The following FOCAD variants were observed in gnomAD, a reference collection of about 807,000 sequenced individuals.
FOCAD encodes the protein KIAA1797.
Under a neutral mutation model 225.6 loss-of-function variants are expected in FOCAD, and 198 were observed. The ratio of observed to expected loss-of-function variants is 0.88; its 90% confidence interval spans 0.78 to 0.99. FOCAD has a LOEUF of 0.99. Among genes scored for constraint, FOCAD ranks in the 50% least tolerant of loss-of-function variants. The pLI, the probability that FOCAD is intolerant of heterozygous loss-of-function variation, is 0.00. For missense variants in FOCAD, 2,713 were observed against 2,123.6 expected (o/e 1.28, Z -5.46); for synonymous variants, 897 against 755.0 (o/e 1.19, Z -3.08).
At chr9:20,771,227 A>G (rs944255827) in intron 8 of FOCAD, among the ~76,000 whole-genome samples, 15 of 152,204 alleles carry the variant, frequency 9.9e-5, no homozygotes, top group African/African-American at 3.6e-4. Context: ...TTGAAGGATT[A>G]AGCTGTGGCA....
chr9:20,874,525 T>G, intron 18 of FOCAD, 156 bp from the exon 19 acceptor site: 1 of 665,990 alleles, frequency 1.5e-6, no homozygotes, highest in Non-Finnish European at 2.4e-6. Flanking sequence ...AAAAAATGAA[T>G]AGATTTTTAA....
intron 5 of FOCAD, among the ~76,000 whole-genome samples, chr9:20,749,419 A>T (rs375945085): frequency 1.3e-5 from 2 of 152,122 alleles, no homozygotes; most frequent in African/African-American, 4.8e-5. Context: ...ATTCACAATT[A>T]TTGTTTAGTT....
intron 15 of FOCAD, among the ~76,000 whole-genome samples, chr9:20,850,170 A>G (rs1564069927): frequency 6.6e-6 from 1 of 151,796 alleles, no homozygotes; most frequent in East Asian, 1.9e-4. Context: ...TAATTTATAA[A>G]GTTATTTTTG....
At chr9:20,799,253 T>A (rs141191334) in intron 11 of FOCAD, among the ~76,000 whole-genome samples, 2,057 of 152,126 alleles carry the variant, frequency 0.014, 57 homozygotes, top group African/African-American at 0.046. Flanking sequence ...TGCTGAGGAG[T>A]GCTTTACTTC....
intron 18 of FOCAD, among the ~76,000 whole-genome samples, chr9:20,873,121 C>G (rs1829939405): frequency 6.6e-6 from 1 of 152,012 alleles, no homozygotes; most frequent in African/African-American, 2.4e-5. Context: ...AATAATAATT[C>G]TATGAACATT....
intron 23 of FOCAD, 106 bp from the exon 24 acceptor site, chr9:20,916,787 A>T: frequency 1.0e-6 from 1 of 988,216 alleles, no homozygotes; most frequent in East Asian, 2.7e-5. Flanking sequence ...GTATAGTTTT[A>T]AGATCTGGAG....
In FOCAD at chr9:20,990,254, A is replaced by C; in HGVS notation, c.5136A>C (p.Val1712=). The C allele has an allele frequency of 2.5e-6, 4 of 1,614,194 alleles. No individual in the cohort carries two copies. The highest frequency in any genetic ancestry group is 3.4e-6 in the Non-Finnish European group (4 of 1,180,030). ...WHQENGPAGP[V]PSFLGRSPMH... The stretch of plus-strand genomic sequence containing the variant: ...AGGAGAATGGCCCGGCTGGGCCAGT[A>C]CCAAGCTTCCTTGGCAGGAGTCCAA... The change falls in exon 42 of 44, where the codon GTA becomes GTC. Residue 1712 remains valine (V), a synonymous_variant. Transcript: ENST00000338382.
At chr9:20,764,800 T>C (rs1195874710) in intron 6 of FOCAD, 69 bp from the exon 7 acceptor site, 2 of 1,173,088 alleles carry the variant, frequency 1.7e-6, no homozygotes, top group Admixed American at 1.9e-5. Context: ...TATAAGTTGA[T>C]ATTTGCCACT....
chr9:20,747,287 G>C (rs1407956593), intron 5 of FOCAD, among the ~76,000 whole-genome samples: 1 of 152,092 alleles, frequency 6.6e-6, no homozygotes, highest in Non-Finnish European at 1.5e-5. Context: ...AGATATATCA[G>C]ATTCTGATTT....
intron 28 of FOCAD, among the ~76,000 whole-genome samples, chr9:20,942,098 A>G (rs1439993415): frequency 6.6e-6 from 1 of 152,248 alleles, no homozygotes; most frequent in African/African-American, 2.4e-5. Flanking sequence ...CAATAGATGT[A>G]TATGCCATAG....
At position 20,659,423 on chromosome 9, in the gene FOCAD, G is replaced by GAA. The variant is rs113828761; in HGVS notation, c.-78+597_-78+598insAA. 2.2e-4 allele frequency among the ~76,000 whole-genome samples: 4 copies of GAA among 18,224 alleles called. No individual in the cohort carries two copies. In the African/African-American group the frequency reaches 2.6e-3, roughly 12 times the overall value. The allele number at this position is 18,224 out of a possible 152,430, so 12.0% of individuals were successfully genotyped here. On this transcript the variant is annotated intron_variant, in intron 2 of 45. Coordinates refer to the FOCAD transcript ENST00000380249. Reference sequence around the variant, plus strand: ...CCATCTAAAAAAAAAGAGAAAGAAAGGAGAAAGAAAGAAAGAAAGACAGAC... The same window carrying GAA: ...CCATCTAAAAAAAAAGAGAAAGAAAGAAGAGAAAGAAAGAAAGAAAGACAGAC...
intron 35 of FOCAD, among the ~76,000 whole-genome samples, chr9:20,965,255 T>G (rs559655299): frequency 3.9e-4 from 60 of 152,306 alleles, no homozygotes; most frequent in Non-Finnish European, 7.9e-4. Context: ...GGCCAATGTC[T>G]ATGTAGCAGT....
chr9:20,761,340 C>T (rs564909979), intron 6 of FOCAD, among the ~76,000 whole-genome samples: 138 of 152,074 alleles, frequency 9.1e-4, no homozygotes, highest in African/African-American at 3.2e-3. Context: ...ATGAGAGAAC[C>T]GAGGAGAGCA....
chr9:20,677,818 A>G (rs1350611685), intron 2 of FOCAD, among the ~76,000 whole-genome samples: 1 of 152,210 alleles, frequency 6.6e-6, no homozygotes. Context: ...CTGATACTGC[A>G]ATCCCACTTT....
chr9:20,717,958 TC>T, intron 3 of FOCAD, 90 bp downstream of exon 3: 3 of 974,412 alleles, frequency 3.1e-6, no homozygotes, highest in Non-Finnish European at 4.7e-6. Context: ...CCCTGATAGT[TC>T]AGATCACAGT....
intron 10 of FOCAD, chr9:20,786,806 C>T (rs1819966473): frequency 6.2e-6 from 1 of 161,622 alleles, no homozygotes; most frequent in Non-Finnish European, 1.4e-5. Context: ...AGATGTCTTA[C>T]AACCACCCAG....
Position 20,828,564 on chromosome 9 carries a change from G to T in FOCAD, c.1920+5449G>T, listed in dbSNP as rs537344038. 4.6e-5 allele frequency among the ~76,000 whole-genome samples: 7 copies of T among 152,160 alleles called. No homozygotes were observed. The South Asian group carries it at 1.2e-3, about 27-fold the overall frequency. ...ACATTTGCACCAGCATTGTAAGAAG[G>T]TTCTAATTTCTGCACATCCTCACCA... On this transcript the variant is annotated intron_variant, in intron 15 of 43. Transcript: ENST00000338382.
intron 35 of FOCAD, among the ~76,000 whole-genome samples, chr9:20,954,728 A>G (rs756255023): frequency 1.6e-4 from 25 of 152,212 alleles, no homozygotes; most frequent in Admixed American, 6.5e-5. Context: ...AGAATGCCAT[A>G]TTACCAATCA....
chr9:20,933,447 G>A (rs948843211), intron 28 of FOCAD, among the ~76,000 whole-genome samples: 2 of 152,116 alleles, frequency 1.3e-5, no homozygotes, highest in Admixed American at 6.6e-5. Flanking sequence ...AATATATGAC[G>A]TTTGGTTTTT....
Sources: gnomAD v4.1 joint callset for allele counts (sites outside exome capture counted in the v4.1 genomes callset) on GRCh38, gnomAD v4.1.1 for gene constraint, MANE v1.5 for transcripts, NCBI Gene and HGNC (gene_info 2026-07-23, HGNC 2026-07-21) for gene names.